The following AKT3 variants were observed in gnomAD, a reference collection of about 807,000 sequenced individuals.
The protein encoded by AKT3 is AKT serine/threonine kinase 3.
AKT3 carries 15 observed loss-of-function variants against 65.3 expected under a neutral mutation model. That is an observed-to-expected ratio of 0.23 (90% CI 0.15 to 0.35). The LOEUF (loss-of-function observed/expected upper bound fraction) is 0.35, where lower values mean the gene tolerates loss of function less well. Among genes scored for constraint, AKT3 ranks in the 10% least tolerant of loss-of-function variants. The pLI is 1.00. For missense variants in AKT3, 243 were observed against 576.5 expected (o/e 0.42, Z 5.92); for synonymous variants, 206 against 183.8 (o/e 1.12, Z -0.98).
intron 8 of AKT3, among the ~76,000 whole-genome samples, chr1:243,609,640 G>A (rs1461017628): frequency 6.6e-6 from 1 of 152,102 alleles, no homozygotes; most frequent in Non-Finnish European, 1.5e-5. Context: ...ACAGGGTGAT[G>A]GAGTGAGACC....
At chr1:243,691,287 G>A (rs1385617692) in intron 3 of AKT3, among the ~76,000 whole-genome samples, 1 of 152,180 alleles carries the variant, frequency 6.6e-6, no homozygotes, top group Non-Finnish European at 1.5e-5. Context: ...GAGAGATCCT[G>A]CAAGAGTTGA....
At chr1:243,494,484 T>C in intron 13 of AKT3, among the ~76,000 whole-genome samples, 1 of 152,216 alleles carries the variant, frequency 6.6e-6, no homozygotes, top group East Asian at 1.9e-4. Context: ...GTGCTGCATG[T>C]CTAACATAAG....
chr1:243,581,194 G>A (rs1675320560), intron 8 of AKT3, among the ~76,000 whole-genome samples: 1 of 152,174 alleles, frequency 6.6e-6, no homozygotes, highest in Non-Finnish European at 1.5e-5. Context: ...TGTCATCAGG[G>A]GACCTGTAGG....
At chr1:243,723,863 T>A (rs1214403686) in intron 2 of AKT3, among the ~76,000 whole-genome samples, 1 of 152,104 alleles carries the variant, frequency 6.6e-6, no homozygotes, top group African/African-American at 2.4e-5. Flanking sequence ...GAGGATACAG[T>A]GAGCCATAAT....
chr1:243,734,496 G>A (rs551984734), intron 2 of AKT3, among the ~76,000 whole-genome samples: 3 of 152,042 alleles, frequency 2.0e-5, no homozygotes, highest in African/African-American at 7.3e-5. Flanking sequence ...AATGGTATCT[G>A]TGTATCTAGA....
intron 2 of AKT3, among the ~76,000 whole-genome samples, chr1:243,721,523 T>C (rs2148115362): frequency 6.6e-6 from 1 of 152,178 alleles, no homozygotes; most frequent in Middle Eastern, 3.2e-3. Context: ...AACAGATTTG[T>C]TATGCTTTTC....
intron 11 of AKT3, among the ~76,000 whole-genome samples, chr1:243,550,098 C>G (rs922677815): frequency 1.3e-5 from 2 of 152,140 alleles, no homozygotes; most frequent in Admixed American, 1.3e-4. Flanking sequence ...CCCCCAATCC[C>G]CTAGACAAAG....
At chr1:243,499,196 AAG>A (rs1248205691), downstream of AKT3, among the ~76,000 whole-genome samples, 2 of 152,232 alleles carry the variant, frequency 1.3e-5, no homozygotes, top group Non-Finnish European at 2.9e-5. Context: ...GCGTAAAACT[AAG>A]AGACCTCAGT....
intron 2 of AKT3, chr1:243,788,662 T>C (rs989955493): frequency 1.3e-5 from 2 of 152,304 alleles, no homozygotes; most frequent in Non-Finnish European, 2.9e-5. Context: ...TATACTATAG[T>C]CTTCTGTGTA....
chr1:243,850,238 G>A lies in AKT3; in HGVS notation c.-311C>T, dbSNP rs1231474928. ...GCGGCCGGCGGGAGGGCAAGCGAAG[G>A]GCTGCAGGGGAGGGAGGGAGGGAGC... On this transcript the variant is annotated 5_prime_UTR_variant, in exon 1 of 14. Transcript: ENST00000673466. 6.5e-6 allele frequency: 1 copy of A among 154,492 alleles called. No homozygotes were observed. The highest frequency in any genetic ancestry group is 1.4e-5 in the Non-Finnish European group (1 of 70,654). 9.6% of individuals were successfully genotyped at this position (154,492 alleles called of 1,614,324 possible). A position where few individuals can be genotyped will look rare whatever the true frequency, so the allele number is the denominator to read the frequency against.
chr1:243,575,229 T>C (rs1340963203), intron 8 of AKT3, among the ~76,000 whole-genome samples: 1 of 152,206 alleles, frequency 6.6e-6, no homozygotes, highest in Non-Finnish European at 1.5e-5. Context: ...GTAATATGAC[T>C]CTCTCCTGAT....
At chr1:243,735,989 A>C (rs962280623) in intron 2 of AKT3, among the ~76,000 whole-genome samples, 1 of 152,240 alleles carries the variant, frequency 6.6e-6, no homozygotes, top group Non-Finnish European at 1.5e-5. Flanking sequence ...GGGGAGATGC[A>C]TTTAGCTTTG....
chr1:243,758,156 GAC>G (rs1689257176), intron 2 of AKT3, among the ~76,000 whole-genome samples: 2 of 152,326 alleles, frequency 1.3e-5, no homozygotes, highest in South Asian at 4.1e-4. Context: ...CAGACTCTCT[GAC>G]AGGCACTGGG....
intron 2 of AKT3, among the ~76,000 whole-genome samples, chr1:243,810,331 T>C (rs1693047874): frequency 6.6e-6 from 1 of 152,092 alleles, no homozygotes; most frequent in Non-Finnish European, 1.5e-5. Flanking sequence ...CAATAAAACA[T>C]GATAAAGGAG....
At chr1:243,567,887 G>C (rs1326866361) in intron 9 of AKT3, among the ~76,000 whole-genome samples, 1 of 152,078 alleles carries the variant, frequency 6.6e-6, no homozygotes, top group Non-Finnish European at 1.5e-5. Flanking sequence ...TAAAATACAA[G>C]GACCATTAGT....
chr1:243,547,667 G>GT lies in AKT3; in HGVS notation c.1164-2071dup, dbSNP rs559957473. Among the ~76,000 whole-genome samples the GT allele has an allele frequency of 1.1e-4, 17 of 152,214 alleles. No individual in the cohort carries two copies. The South Asian group carries it at 2.5e-3, about 22-fold the overall frequency. On this transcript the variant is annotated intron_variant, in intron 11 of 13. Coordinates refer to ENST00000673466, the MANE Select transcript of AKT3 (RefSeq NM_005465.7). Reference sequence around the variant, plus strand: ...AAAGTCAAAAAATTGTCAAGCCATCGTAGGTCAGAAATCATTTATAATTAT... The same window carrying GT: ...AAAGTCAAAAAATTGTCAAGCCATCGTTAGGTCAGAAATCATTTATAATTAT...
chr1:243,529,588 G>C (rs1043200216), intron 12 of AKT3, among the ~76,000 whole-genome samples: 3 of 152,090 alleles, frequency 2.0e-5, no homozygotes, highest in African/African-American at 7.2e-5. Context: ...GACTTTGTCA[G>C]AGATCAGATG....
intron 6 of AKT3, among the ~76,000 whole-genome samples, chr1:243,617,473 T>C (rs1161707689): frequency 1.3e-5 from 2 of 151,746 alleles, no homozygotes; most frequent in Non-Finnish European, 2.9e-5. Flanking sequence ...TGGTATAAGG[T>C]AACTTAATAA....
chr1:243,657,831 AC>A (rs1681930472), intron 4 of AKT3, among the ~76,000 whole-genome samples: 2 of 152,128 alleles, frequency 1.3e-5, no homozygotes, highest in African/African-American at 4.8e-5. Flanking sequence ...AGGTAATAAA[AC>A]CATATATATA....
Sources: gnomAD v4.1 joint callset for allele counts (sites outside exome capture counted in the v4.1 genomes callset) on GRCh38, gnomAD v4.1.1 for gene constraint, MANE v1.5 for transcripts, NCBI Gene and HGNC (gene_info 2026-07-23, HGNC 2026-07-21) for gene names.